Variants in ARSB observed in about 807,000 individuals in gnomAD.
The protein encoded by ARSB is arylsulfatase B.
A neutral mutation model predicts 50.9 loss-of-function variants in ARSB; 41 were observed. That is an observed-to-expected ratio of 0.81 (90% CI 0.63 to 1.04). ARSB has a LOEUF of 1.04. Among genes scored for constraint, ARSB ranks in the 50% least tolerant of loss-of-function variants. The pLI is 0.00. For synonymous variants in ARSB, 269 were observed against 284.8 expected (o/e 0.94, Z 0.56); for missense variants, 672 against 693.3 (o/e 0.97, Z 0.35).
chr5:78,874,710 A>G (rs1288325284), intron 5 of ARSB, among the ~76,000 whole-genome samples: 1 of 152,228 alleles, frequency 6.6e-6, no homozygotes, highest in Non-Finnish European at 1.5e-5. Context: ...CTGGATCATA[A>G]AGAAAAACCT....
chr5:78,981,314 G>A (rs886663544), intron 1 of ARSB, among the ~76,000 whole-genome samples: 1 of 152,090 alleles, frequency 6.6e-6, no homozygotes, highest in Non-Finnish European at 1.5e-5. Flanking sequence ...CTCCTCCATT[G>A]CCTCCAACCT....
At chr5:78,856,797 C>T (rs753146200) in intron 5 of ARSB, among the ~76,000 whole-genome samples, 2 of 152,200 alleles carry the variant, frequency 1.3e-5, no homozygotes, top group Admixed American at 1.3e-4. Context: ...GGACATCATA[C>T]AGTTCCAAAG....
intron 2 of ARSB, among the ~76,000 whole-genome samples, chr5:78,966,081 G>A (rs888653111): frequency 1.3e-5 from 2 of 152,224 alleles, no homozygotes; most frequent in Non-Finnish European, 2.9e-5. Context: ...TAAAGCTTGA[G>A]GAAATCACTT....
intron 4 of ARSB, among the ~76,000 whole-genome samples, chr5:78,913,963 ATTTTT>A (rs200423948): frequency 7.2e-6 from 1 of 138,194 alleles, no homozygotes. Flanking sequence ...CAATACCATG[ATTTTT>A]TTTTTTTTTT....
At chr5:78,863,549 T>A (rs144049855) in intron 5 of ARSB, among the ~76,000 whole-genome samples, 2 of 141,972 alleles carry the variant, frequency 1.4e-5, no homozygotes, top group Admixed American at 7.3e-5. Flanking sequence ...TAGGTGGGAA[T>A]TGAACAATGA....
chr5:78,806,595 CA>C (rs1242888310), intron 6 of ARSB, among the ~76,000 whole-genome samples: 2 of 152,298 alleles, frequency 1.3e-5, no homozygotes, highest in African/African-American at 4.8e-5. Flanking sequence ...AGTTCCTTGT[CA>C]GTCACTCCTC....
intron 6 of ARSB, among the ~76,000 whole-genome samples, chr5:78,810,316 C>G (rs144321372): frequency 4.6e-5 from 7 of 152,316 alleles, no homozygotes; most frequent in African/African-American, 1.7e-4. Context: ...ACCCTTGGTA[C>G]AAGTGCTCCA....
At chr5:78,809,938 A>T (rs2112657944) in intron 6 of ARSB, among the ~76,000 whole-genome samples, 1 of 152,356 alleles carries the variant, frequency 6.6e-6, no homozygotes, top group South Asian at 2.1e-4. Flanking sequence ...AGACTGCACA[A>T]GCAGGACCCA....
intron 2 of ARSB, among the ~76,000 whole-genome samples, chr5:78,966,476 A>G (rs1173459986): frequency 6.6e-6 from 1 of 152,240 alleles, no homozygotes; most frequent in African/African-American, 2.4e-5. Flanking sequence ...TGTAAAAGAC[A>G]TTGGTTTCTA....
chr5:78,979,431 T>C (rs1024195697), intron 1 of ARSB, among the ~76,000 whole-genome samples: 1 of 152,228 alleles, frequency 6.6e-6, no homozygotes, highest in Non-Finnish European at 1.5e-5. Context: ...CAATTTCCAA[T>C]TCCTCAAAGA....
intron 4 of ARSB, among the ~76,000 whole-genome samples, chr5:78,902,615 CA>C (rs1748859156): frequency 6.6e-6 from 1 of 152,094 alleles, no homozygotes; most frequent in Admixed American, 6.5e-5. Flanking sequence ...ATTTATGCTA[CA>C]AAATGGATGA....
intron 5 of ARSB, among the ~76,000 whole-genome samples, chr5:78,871,239 C>T (rs1383545493): frequency 1.3e-5 from 2 of 151,986 alleles, no homozygotes; most frequent in African/African-American, 4.8e-5. Context: ...GGCCATACTG[C>T]CCAAGGTAAT....
At chr5:78,842,717 TG>T (rs1745279337) in intron 5 of ARSB, among the ~76,000 whole-genome samples, 1 of 152,078 alleles carries the variant, frequency 6.6e-6, no homozygotes, top group East Asian at 1.9e-4. Context: ...ATCCCTCTCT[TG>T]GATTTAGAAG....
At chr5:78,822,421 C>G (rs1185560405) in intron 6 of ARSB, among the ~76,000 whole-genome samples, 1 of 152,154 alleles carries the variant, frequency 6.6e-6, no homozygotes, top group Non-Finnish European at 1.5e-5. Context: ...TTTTGACACT[C>G]TTGGTGGTTG....
At chr5:78,958,596 T>G (rs6453421) in intron 3 of ARSB, among the ~76,000 whole-genome samples, 42,229 of 152,124 alleles carry the variant, frequency 0.28, 7,530 homozygotes, top group African/African-American at 0.51. Context: ...TAAAAGAATA[T>G]AAATTTTCAG....
At chr5:78,984,665 G>C (rs1753065111) in intron 1 of ARSB, among the ~76,000 whole-genome samples, 1 of 152,080 alleles carries the variant, frequency 6.6e-6, no homozygotes, top group African/African-American at 2.4e-5. Flanking sequence ...CCTTCGCCCG[G>C]AGCTTCAGAA....
At chr5:78,852,354 T>C (rs1339142871) in intron 5 of ARSB, among the ~76,000 whole-genome samples, 2 of 152,182 alleles carry the variant, frequency 1.3e-5, no homozygotes, top group African/African-American at 2.4e-5. Flanking sequence ...GGGTTGAAAA[T>C]TCTTTTCTTT....
Position 78,968,315 on chromosome 5 carries a change from TTTATTATTATTATTATTATTATTA to T in ARSB, c.499+667_499+690del, listed in dbSNP as rs138887783. Among the ~76,000 whole-genome samples, 77 of 143,166 alleles carry T rather than the reference TTTATTATTATTATTATTATTATTA, an allele frequency of 5.4e-4. 1 individual carries two copies. Among genetic ancestry groups the T allele is most frequent in the African/African-American group, 1.8e-3 (73 of 39,510 alleles). 93.9% of individuals were successfully genotyped at this position (143,166 alleles called of 152,430 possible). ...TGTGAAGGAAATATTCATTTTTTAT[TTTATTATTATTATTATTATTATTA>T]TTATTATTATTATTATTATTATTTT... On this transcript the variant is annotated intron_variant, in intron 2 of 7. Coordinates refer to ENST00000264914, the MANE Select transcript of ARSB (RefSeq NM_000046.5).
intron 5 of ARSB, among the ~76,000 whole-genome samples, chr5:78,879,624 T>C (rs570805545): frequency 1.2e-4 from 18 of 152,232 alleles, no homozygotes; most frequent in Non-Finnish European, 2.1e-4. Context: ...GTATTTCCAT[T>C]TCTGGAAAAA....
Sources: allele counts gnomAD v4.1 joint callset (sites outside exome capture counted in the v4.1 genomes callset), GRCh38; gene constraint gnomAD v4.1.1; transcripts MANE v1.5; gene names NCBI Gene and HGNC (gene_info 2026-07-23, HGNC 2026-07-21).